SLC16A10: variants seen among roughly 807,000 people sequenced by gnomAD.
SLC16A10 encodes monocarboxylate transporter 10.
Under a neutral mutation model 40.0 loss-of-function variants are expected in SLC16A10, and 27 were observed. The ratio of observed to expected loss-of-function variants is 0.67; its 90% confidence interval spans 0.50 to 0.93. The LOEUF is 0.93. Ranked by LOEUF, SLC16A10 falls within the 40% of genes least tolerant of loss-of-function variation. SLC16A10 has a pLI of 0.00. For missense variants in SLC16A10, 529 were observed against 658.2 expected, an observed-to-expected ratio of 0.80 and a Z score of 2.15; for synonymous variants, 213 against 249.8, an observed-to-expected ratio of 0.85 and a Z score of 1.39.
At chr6:111,211,022 C>CAA (rs36044806) in intron 4 of SLC16A10, among the ~76,000 whole-genome samples, 2 of 119,584 alleles carry the variant, frequency 1.7e-5, no homozygotes, top group Non-Finnish European at 1.7e-5. Flanking sequence ...GACTCCGTCT[C>CAA]AAAAAAAAAA....
intron 3 of SLC16A10, among the ~76,000 whole-genome samples, chr6:111,195,909 A>G (rs888209789): frequency 3.3e-5 from 5 of 152,158 alleles, no homozygotes; most frequent in African/African-American, 9.7e-5. Flanking sequence ...ACCAGACAAA[A>G]CTAAACATAT....
intron 1 of SLC16A10, among the ~76,000 whole-genome samples, chr6:111,139,092 C>CTTCTTTTTTTTTTTTTTTTTTTTTTTTTT (rs202229156): frequency 8.4e-6 from 1 of 118,896 alleles, no homozygotes; most frequent in Non-Finnish European, 1.7e-5. Context: ...TCTTCTTCTT[C>CTTCTTTTTTTTTTTTTTTTTTTTTTTTTT]TTTTTTTTTT....
chr6:111,121,628 T>C (rs749998290), intron 1 of SLC16A10, among the ~76,000 whole-genome samples: 9 of 152,218 alleles, frequency 5.9e-5, no homozygotes, highest in Non-Finnish European at 8.8e-5. Flanking sequence ...GTGTTATTCT[T>C]CTATTTCCAT....
intron 3 of SLC16A10, among the ~76,000 whole-genome samples, chr6:111,183,933 G>A (rs1369729543): frequency 6.6e-6 from 1 of 152,230 alleles, no homozygotes; most frequent in African/African-American, 2.4e-5. Flanking sequence ...CGAGCATTGA[G>A]CATAGGGCCT....
intron 1 of SLC16A10, among the ~76,000 whole-genome samples, chr6:111,169,068 C>T (rs1032194764): frequency 3.3e-5 from 5 of 152,134 alleles, no homozygotes; most frequent in South Asian, 2.1e-4. Flanking sequence ...TCTGACTCTC[C>T]GAGACACCCA....
chr6:111,193,327 T>C, intron 3 of SLC16A10: 2 of 985,890 alleles, frequency 2.0e-6, no homozygotes, highest in Non-Finnish European at 2.4e-6. Context: ...CTGTTCAGGT[T>C]AGTGACAATT....
chr6:111,127,101 C>T lies in SLC16A10; in HGVS notation c.343+39006C>T, dbSNP rs536979790. The stretch of plus-strand genomic sequence containing the variant: ...CAAAAATTGAGAGCCCCTTTCTATA[C>T]GCTAGTCATTGTGCTAGGCATCAGG... On this transcript the variant is annotated intron_variant, in intron 1 of 5. Coordinates refer to ENST00000368851, the MANE Select transcript of SLC16A10 (RefSeq NM_018593.5). Among the ~76,000 whole-genome samples, 8 of 152,300 alleles carry T rather than the reference C, an allele frequency of 5.3e-5. No homozygotes were observed. The East Asian group carries it at 1.2e-3, about 22-fold the overall frequency.
At chr6:111,184,134 C>G (rs777438384) in intron 3 of SLC16A10, among the ~76,000 whole-genome samples, 2 of 152,154 alleles carry the variant, frequency 1.3e-5, no homozygotes, top group African/African-American at 2.4e-5. Flanking sequence ...CATCTCTCTC[C>G]CCTGCTACTC....
chr6:111,222,286 GTTTCC>G lies in SLC16A10; in HGVS notation c.*60_*64del. ...GACTTGCTTTTTGAATTTTAAGCAA[GTTTCC>G]TTTCCTTTTATACAAATTGCAAATT... On this transcript the variant is annotated 3_prime_UTR_variant, in exon 6 of 6. Coordinates refer to ENST00000368851, the MANE Select transcript of SLC16A10 (RefSeq NM_018593.5). 1.3e-6 allele frequency: 2 copies of G among 1,536,212 alleles called. No individual in the cohort carries two copies. Among genetic ancestry groups the G allele is most frequent in the African/African-American group, 2.9e-5 (2 of 70,106 alleles).
At chr6:111,112,588 G>T (rs574546677) in intron 1 of SLC16A10, among the ~76,000 whole-genome samples, 7 of 152,310 alleles carry the variant, frequency 4.6e-5, no homozygotes, top group Admixed American at 1.3e-4. Context: ...GCTGCAAGAA[G>T]AATTTATTTC....
At position 111,230,031 on chromosome 6, in the gene SLC16A10, C is replaced by G. The variant is rs1771082580; in HGVS notation, c.*7796C>G. On this transcript the variant is annotated 3_prime_UTR_variant, in exon 6 of 6. Coordinates refer to ENST00000368851, the MANE Select transcript of SLC16A10 (RefSeq NM_018593.5). The stretch of plus-strand genomic sequence containing the variant: ...TTTGAGATGGAGTCTTGCTCTATTG[C>G]CAGGCTCCATATAGTGGCGCGATCT... 1 of 103,940 alleles carries G rather than the reference C, an allele frequency of 9.6e-6. No homozygotes were observed. Among genetic ancestry groups the G allele is most frequent in the African/African-American group, 3.8e-5 (1 of 26,402 alleles). The allele number at this position is 103,940 out of a possible 1,614,324, so 6.4% of individuals were successfully genotyped here.
chr6:111,105,585 T>G (rs1394730607), intron 1 of SLC16A10, among the ~76,000 whole-genome samples: 1 of 152,204 alleles, frequency 6.6e-6, no homozygotes, highest in African/African-American at 2.4e-5. Flanking sequence ...AGATAATAAC[T>G]AGCCACCTGG....
At chr6:111,108,867 C>T (rs923972369) in intron 1 of SLC16A10, among the ~76,000 whole-genome samples, 26 of 152,032 alleles carry the variant, frequency 1.7e-4, no homozygotes, top group African/African-American at 5.6e-4. Flanking sequence ...ATAAGCTTCC[C>T]GGAGATAAAG....
At chr6:111,180,239 C>T (rs74888963) in intron 3 of SLC16A10, among the ~76,000 whole-genome samples, 7,402 of 152,164 alleles carry the variant, frequency 0.049, 585 homozygotes, top group African/African-American at 0.17. Context: ...GACTAAGGCC[C>T]GGAAAGATTA....
chr6:111,197,416 T>G (rs1224465748), intron 3 of SLC16A10, among the ~76,000 whole-genome samples: 1 of 152,200 alleles, frequency 6.6e-6, no homozygotes, highest in Non-Finnish European at 1.5e-5. Context: ...AGTTAAAATT[T>G]CAATAACCAA....
intron 1 of SLC16A10, among the ~76,000 whole-genome samples, chr6:111,160,840 T>C (rs1490649911): frequency 6.6e-6 from 1 of 152,104 alleles, no homozygotes; most frequent in African/African-American, 2.4e-5. Context: ...GGGGAGTGTG[T>C]ACAGATTGGT....
At chr6:111,192,637 A>C (rs1054999115) in intron 3 of SLC16A10, among the ~76,000 whole-genome samples, 1 of 152,192 alleles carries the variant, frequency 6.6e-6, no homozygotes, top group African/African-American at 2.4e-5. Context: ...GACATACCCG[A>C]AACTGGGCAA....
At chr6:111,130,483 G>A (rs1315112426) in intron 1 of SLC16A10, among the ~76,000 whole-genome samples, 3 of 152,076 alleles carry the variant, frequency 2.0e-5, no homozygotes, top group Non-Finnish European at 4.4e-5. Context: ...CCCCTTTTTG[G>A]GGGAGTATCA....
intron 1 of SLC16A10, among the ~76,000 whole-genome samples, chr6:111,117,937 C>T (rs1380164719): frequency 3.9e-5 from 6 of 152,072 alleles, no homozygotes; most frequent in South Asian, 4.1e-4. Flanking sequence ...GGAGGGAGAG[C>T]GAAGCCAAAA....
Sources: gnomAD v4.1 joint callset for allele counts (sites outside exome capture counted in the v4.1 genomes callset) on GRCh38, gnomAD v4.1.1 for gene constraint, MANE v1.5 for transcripts, NCBI Gene and HGNC (gene_info 2026-07-23, HGNC 2026-07-21) for gene names.